The following ASAP1 variants were observed in gnomAD, a reference collection of about 807,000 sequenced individuals.
ASAP1 encodes arf-GAP with SH3 domain, ANK repeat and PH domain-containing protein 1.
A neutral mutation model predicts 145.2 loss-of-function variants in ASAP1; 43 were observed. The ratio of observed to expected loss-of-function variants is 0.30; its 90% CI spans 0.23 to 0.38. The LOEUF is 0.38. ASAP1 is among the 10% of genes least tolerant of loss of function. The probability of loss-of-function intolerance (pLI) is 1.00; values close to 1 mark genes in which losing one functional copy is unlikely to be tolerated. For missense variants in ASAP1, 1,018 were observed against 1,355.3 expected (o/e 0.75, Z 3.91); for synonymous variants, 546 against 515.5 (o/e 1.06, Z -0.80).
intron 3 of ASAP1, among the ~76,000 whole-genome samples, chr8:130,338,356 T>C (rs1275882488): frequency 6.6e-6 from 1 of 152,138 alleles, no homozygotes; most frequent in Non-Finnish European, 1.5e-5. Flanking sequence ...CTACCTGACA[T>C]ACAGCAAATA....
At chr8:130,212,021 C>T (rs897316800) in intron 5 of ASAP1, among the ~76,000 whole-genome samples, 5 of 152,156 alleles carry the variant, frequency 3.3e-5, no homozygotes, top group South Asian at 2.1e-4. Flanking sequence ...CTGACCCCCT[C>T]GGGGTGAGTT....
chr8:130,061,755 T>C (rs541727791), intron 27 of ASAP1, among the ~76,000 whole-genome samples: 15 of 152,232 alleles, frequency 9.9e-5, no homozygotes, highest in Non-Finnish European at 2.2e-4. Context: ...ACTTTGCTTT[T>C]CTCCCACTTA....
intron 24 of ASAP1, among the ~76,000 whole-genome samples, chr8:130,101,732 A>ATTTTTTT (rs59778799): frequency 0.12 from 10,361 of 86,318 alleles, 1,426 homozygotes; most frequent in South Asian, 0.23. Flanking sequence ...CACCTGGTTA[A>ATTTTTTT]TTTTTTTTTT....
intron 1 of ASAP1, among the ~76,000 whole-genome samples, chr8:130,441,903 G>A (rs1302080492): frequency 1.3e-5 from 2 of 152,208 alleles, no homozygotes; most frequent in Non-Finnish European, 2.9e-5. Context: ...ATCAAGTCTA[G>A]AGAACATCAG....
At chr8:130,383,407 G>A (rs1827870821) in intron 2 of ASAP1, among the ~76,000 whole-genome samples, 1 of 152,178 alleles carries the variant, frequency 6.6e-6, no homozygotes, top group South Asian at 2.1e-4. Flanking sequence ...AGACCATCAA[G>A]GGGAGAAAGC....
intron 7 of ASAP1, among the ~76,000 whole-genome samples, chr8:130,182,443 G>A (rs1036301200): frequency 2.6e-5 from 4 of 152,152 alleles, no homozygotes; most frequent in Non-Finnish European, 4.4e-5. Flanking sequence ...CACCATATGT[G>A]ATTACTAAGC....
chr8:130,143,316 G>T (rs970963844), intron 13 of ASAP1, among the ~76,000 whole-genome samples: 1 of 150,942 alleles, frequency 6.6e-6, no homozygotes. Flanking sequence ...GTACAAAGAA[G>T]AAACCAAACA....
intron 6 of ASAP1, 150 bp from the exon 7 acceptor site, chr8:130,187,435 T>G: frequency 1.6e-6 from 1 of 617,610 alleles, no homozygotes; most frequent in Admixed American, 3.0e-5. Flanking sequence ...TTTTTTTTTT[T>G]GACAGGGTCT....
At chr8:130,350,539 A>T (rs1825936743) in intron 3 of ASAP1, among the ~76,000 whole-genome samples, 3 of 152,178 alleles carry the variant, frequency 2.0e-5, no homozygotes, top group Admixed American at 6.5e-5. Context: ...GATCAGCAGA[A>T]GATGATTCGT....
chr8:130,300,153 C>CACACAGAGAGAGAGAGAGAGAGAG (rs1196584279), intron 3 of ASAP1, among the ~76,000 whole-genome samples: 17 of 76,922 alleles, frequency 2.2e-4, no homozygotes, highest in African/African-American at 7.0e-4. Flanking sequence ...CACACACACA[C>CACACAGAGAGAGAGAGAGAGAGAG]AGAGAGAGAG....
chr8:130,345,089 G>A (rs573859827), intron 3 of ASAP1, among the ~76,000 whole-genome samples: 1 of 152,166 alleles, frequency 6.6e-6, no homozygotes, highest in African/African-American at 2.4e-5. Flanking sequence ...AACTTTTTGA[G>A]CCCGTTTCCT....
intron 2 of ASAP1, among the ~76,000 whole-genome samples, chr8:130,400,553 C>T (rs148964773): frequency 0.017 from 2,521 of 151,700 alleles, 74 homozygotes; most frequent in African/African-American, 0.057. Context: ...TTTGGGAGGC[C>T]GAGGCGGGCA....
At chr8:130,106,287 T>G (rs115160413) in intron 24 of ASAP1, among the ~76,000 whole-genome samples, 1,681 of 152,208 alleles carry the variant, frequency 0.011, 29 homozygotes, top group African/African-American at 0.039. Context: ...TGTCTTCCCA[T>G]GAGATAAAAA....
intron 3 of ASAP1, among the ~76,000 whole-genome samples, chr8:130,252,449 T>C (rs1819257947): frequency 1.3e-5 from 2 of 152,218 alleles, no homozygotes; most frequent in Non-Finnish European, 2.9e-5. Context: ...TGTCTTATAA[T>C]ACATGCAATG....
At chr8:130,102,702 T>C (rs1238081447) in intron 24 of ASAP1, among the ~76,000 whole-genome samples, 1 of 152,108 alleles carries the variant, frequency 6.6e-6, no homozygotes, top group East Asian at 1.9e-4. Flanking sequence ...GATTGATTGA[T>C]TGAGACAGGG....
intron 3 of ASAP1, among the ~76,000 whole-genome samples, chr8:130,352,247 TG>T (rs1223729662): frequency 6.6e-6 from 1 of 150,410 alleles, no homozygotes; most frequent in East Asian, 2.0e-4. Context: ...ACAATCTCCT[TG>T]GGGGTAATTA....
intron 3 of ASAP1, among the ~76,000 whole-genome samples, chr8:130,288,801 G>A (rs1013004317): frequency 6.6e-6 from 1 of 152,274 alleles, no homozygotes; most frequent in South Asian, 2.1e-4. Flanking sequence ...AAAGAAGGGA[G>A]GGAAGGACAA....
Position 130,084,858 on chromosome 8 carries a change from T to C in ASAP1, c.2573-4887A>G, listed in dbSNP as rs550161232. On this transcript the variant is annotated intron_variant, in intron 25 of 29. Coordinates refer to ENST00000518721, the MANE Select transcript of ASAP1 (RefSeq NM_018482.4). The stretch of plus-strand genomic sequence containing the variant: ...ATGCATGTCTCAGACATTTCATCTA[T>C]GGAGCTTTTTTACCTGGAAGTCCCA... The C allele has an allele frequency of 1.1e-4, 17 of 152,358 alleles. No individual in the cohort carries two copies. In the South Asian group the frequency reaches 1.4e-3, roughly 13 times the overall value. 9.4% of individuals were successfully genotyped at this position (152,358 alleles called of 1,614,324 possible).
intron 13 of ASAP1, among the ~76,000 whole-genome samples, chr8:130,152,061 G>A (rs1457293050): frequency 6.6e-6 from 1 of 152,174 alleles, no homozygotes; most frequent in African/African-American, 2.4e-5. Flanking sequence ...TCAGCTGTAA[G>A]TCATACAAAA....
Sources: allele counts gnomAD v4.1 joint callset (sites outside exome capture counted in the v4.1 genomes callset), GRCh38; gene constraint gnomAD v4.1.1; transcripts MANE v1.5; gene names NCBI Gene and HGNC (gene_info 2026-07-23, HGNC 2026-07-21).